The following CRB1 variants were observed in gnomAD, a reference collection of about 807,000 sequenced individuals.
CRB1 encodes protein crumbs homolog 1.
In CRB1, 83 loss-of-function variants were observed where a neutral mutation model predicts 120.0. The ratio of observed to expected loss-of-function variants is 0.69; its 90% confidence interval spans 0.58 to 0.83. CRB1 has a LOEUF of 0.83. Ranked by LOEUF, CRB1 falls within the 40% of genes least tolerant of loss-of-function variation. The pLI is 0.00. For synonymous variants in CRB1, 625 were observed against 612.5 expected (o/e 1.02, Z -0.30); for missense variants, 1,699 against 1,687.6 (o/e 1.01, Z -0.12).
chr1:197,447,853 C>CA (rs397861586), intron 11 of CRB1, among the ~76,000 whole-genome samples: 1,702 of 59,544 alleles, frequency 0.029, 40 homozygotes, highest in Admixed American at 0.089. Flanking sequence ...GAACCTGTCT[C>CA]AAAAAAAAAA....
chr1:197,357,200 A>G, intron 5 of CRB1, 187 bp downstream of exon 5: 1 of 682,442 alleles, frequency 1.5e-6, no homozygotes, highest in Non-Finnish European at 2.6e-6. Context: ...AAATCACGAG[A>G]GAAATATTAA....
intron 1 of CRB1, among the ~76,000 whole-genome samples, chr1:197,306,736 G>A (rs1421061255): frequency 6.6e-6 from 1 of 152,142 alleles, no homozygotes; most frequent in African/African-American, 2.4e-5. Context: ...ACACAGAAAG[G>A]CATGAAGTAA....
chr1:197,411,697 ATGT>A (rs1182074307), intron 5 of CRB1, among the ~76,000 whole-genome samples: 1 of 152,050 alleles, frequency 6.6e-6, no homozygotes, highest in Non-Finnish European at 1.5e-5. Context: ...ACTCATTTAC[ATGT>A]ATTCATGTAA....
At chr1:197,476,987 A>C (rs1667224786) in intron 11 of CRB1, among the ~76,000 whole-genome samples, 1 of 152,172 alleles carries the variant, frequency 6.6e-6, no homozygotes, top group Non-Finnish European at 1.5e-5. Context: ...GTGTAAAAAT[A>C]ACAACTTTGA....
chr1:197,208,294 C>G, the CRB1 span, among the ~76,000 whole-genome samples: 1 of 152,146 alleles, frequency 6.6e-6, no homozygotes, highest in East Asian at 1.9e-4. Flanking sequence ...GTTAAAGAAC[C>G]TTGTTTTGCC....
At chr1:197,409,824 G>T (rs1289221630) in intron 5 of CRB1, among the ~76,000 whole-genome samples, 2 of 151,882 alleles carry the variant, frequency 1.3e-5, no homozygotes, top group African/African-American at 2.4e-5. Context: ...GTTCTGTCGC[G>T]CAGGCTGGAG....
intron 1 of CRB1, among the ~76,000 whole-genome samples, chr1:197,296,223 A>G (rs1179604499): frequency 6.6e-6 from 1 of 152,082 alleles, no homozygotes; most frequent in Non-Finnish European, 1.5e-5. Context: ...CTAGAGCCAG[A>G]CTGCAGGCCT....
chr1:197,262,855 C>T, the CRB1 span, among the ~76,000 whole-genome samples: 10 of 151,980 alleles, frequency 6.6e-5, no homozygotes, highest in South Asian at 2.1e-4. Context: ...GCAAAGGACG[C>T]GATTTTGTTG....
At chr1:197,222,989 G>C in the CRB1 span, 4 of 802,756 alleles carry the variant, frequency 5.0e-6, no homozygotes, top group Non-Finnish European at 9.1e-6. Flanking sequence ...GAATGCAGTG[G>C]TAGAGTTAGT....
chr1:197,391,540 G>A (rs1237261754), intron 5 of CRB1, among the ~76,000 whole-genome samples: 1 of 152,094 alleles, frequency 6.6e-6, no homozygotes, highest in African/African-American at 2.4e-5. Flanking sequence ...AATGTTTGTA[G>A]TTGCCTTGTG....
At chr1:197,240,140 A>T in the CRB1 span, among the ~76,000 whole-genome samples, 2 of 152,064 alleles carry the variant, frequency 1.3e-5, 1 homozygote. Context: ...TGTTGTCTTC[A>T]CTTGTATTTT....
intron 1 of CRB1, among the ~76,000 whole-genome samples, chr1:197,284,197 G>A (rs1041839954): frequency 6.6e-6 from 1 of 151,900 alleles, no homozygotes; most frequent in East Asian, 1.9e-4. Context: ...ACTTCATCAA[G>A]CACCAATTTT....
At chr1:197,355,042 A>G (rs1660386219) in intron 4 of CRB1, among the ~76,000 whole-genome samples, 1 of 151,816 alleles carries the variant, frequency 6.6e-6, no homozygotes, top group Admixed American at 6.6e-5. Context: ...AAGTCCCACT[A>G]GATTAGCTAG....
chr1:197,448,727 G>C (rs1423957308), intron 11 of CRB1, among the ~76,000 whole-genome samples: 1 of 152,134 alleles, frequency 6.6e-6, no homozygotes, highest in Non-Finnish European at 1.5e-5. Context: ...CCCAGGAAAA[G>C]CTTACTATTT....
At chr1:197,204,186 C>T in the CRB1 span, among the ~76,000 whole-genome samples, 1 of 152,180 alleles carries the variant, frequency 6.6e-6, no homozygotes, top group Non-Finnish European at 1.5e-5. Context: ...TTTATCTGCT[C>T]ATTGATTGAT....
chr1:197,327,106 A>AC (rs770722440), intron 1 of CRB1, among the ~76,000 whole-genome samples: 12,724 of 104,834 alleles, frequency 0.12, 742 homozygotes, highest in African/African-American at 0.14. Flanking sequence ...AAAAAAAAAA[A>AC]AAAAAAAAAA....
At chr1:197,212,361 A>G in the CRB1 span, among the ~76,000 whole-genome samples, 9 of 152,324 alleles carry the variant, frequency 5.9e-5, no homozygotes, top group East Asian at 1.5e-3. Context: ...AACACTGGAA[A>G]CAACCCAAAC....
chr1:197,357,704 G>A (rs1329359241), intron 5 of CRB1: 3 of 152,946 alleles, frequency 2.0e-5, no homozygotes, highest in African/African-American at 4.8e-5. Context: ...AATAGATTAA[G>A]TGATGCCTCT....
chr1:197,442,442 GAAA>G, intron 11 of CRB1, 150 bp downstream of exon 11: 1 of 1,537,840 alleles, frequency 6.5e-7, no homozygotes, highest in African/African-American at 1.4e-5. Flanking sequence ...ATTCCCAAAT[GAAA>G]AAAAAAGCCA....
Sources: gnomAD v4.1 joint callset for allele counts (sites outside exome capture counted in the v4.1 genomes callset) on GRCh38, gnomAD v4.1.1 for gene constraint, MANE v1.5 for transcripts, NCBI Gene and HGNC (gene_info 2026-07-23, HGNC 2026-07-21) for gene names.